The following PSG6 variants were observed in gnomAD, a reference collection of about 807,000 sequenced individuals.
The protein encoded by PSG6 is pregnancy specific beta-1-glycoprotein 6.
PSG6 carries 51 observed loss-of-function variants against 43.3 expected under a neutral mutation model. The ratio of observed to expected loss-of-function variants is 1.18; its 90% CI spans 0.94 to 1.49. The LOEUF (loss-of-function observed/expected upper bound fraction) is 1.49. PSG6 is among the 40% of genes most tolerant of loss of function. The pLI, the probability that PSG6 is intolerant of heterozygous loss-of-function variation, is 0.00. For missense variants in PSG6, 770 were observed against 522.2 expected (o/e 1.47, Z -4.62); for synonymous variants, 292 against 197.6 (o/e 1.48, Z -4.01).
rs544482559 is a variant in PSG6 at position 42,903,476 on chromosome 19, C to A, written c.1241-1030G>T. The A allele has an allele frequency of 4.5e-5, 34 of 751,226 alleles. 2 individuals carry two copies. The highest frequency in any genetic ancestry group is 1.8e-4 in the African/African-American group (10 of 54,364). 46.5% of individuals were successfully genotyped at this position (751,226 alleles called of 1,614,324 possible). A position where few individuals can be genotyped will look rare whatever the true frequency, so the allele number is the denominator to read the frequency against. On this transcript the variant is annotated intron_variant, in intron 5 of 5. Transcript: ENST00000187910. ...ATATAAATAAAATGGAGAATGGAAA[C>A]AGAATAGAGGAAATTACTGAAACCA...
intron 1 of PSG6, 60 bp from the exon 2 acceptor site, chr19:42,916,547 G>T (rs1568448533): frequency 1.9e-6 from 3 of 1,559,654 alleles, no homozygotes; most frequent in East Asian, 2.2e-5. Context: ...TGAAAAGATG[G>T]GGCCCTGTGT....
At position 42,917,880 on chromosome 19, in the gene PSG6, T is replaced by G; in HGVS notation, c.-88A>C. 2 of 1,509,994 alleles carry G rather than the reference T, an allele frequency of 1.3e-6. No homozygotes were observed. Among genetic ancestry groups the G allele is most frequent in the South Asian group, 1.3e-5 (1 of 79,816 alleles). The allele number at this position is 1,509,994 out of a possible 1,614,324, so 93.5% of individuals were successfully genotyped here. A position where few individuals can be genotyped will look rare whatever the true frequency, so the allele number is the denominator to read the frequency against. On this transcript the variant is annotated 5_prime_UTR_variant, in exon 1 of 6. Transcript: ENST00000187910. ...GCAGGGCTGTCAGGTGTGCTGTCCT[T>G]CCTCCTTCTGTGCTGAGCCTCTTCC...
intron 3 of PSG6, among the ~76,000 whole-genome samples, chr19:42,909,296 T>G (rs917622716): frequency 1.3e-4 from 19 of 151,538 alleles, no homozygotes; most frequent in Admixed American, 9.9e-4. Flanking sequence ...TTTTGAAGGC[T>G]TTGGGATGTG....
At chr19:42,911,946 T>C (rs777530689) in intron 2 of PSG6, among the ~76,000 whole-genome samples, 2 of 151,602 alleles carry the variant, frequency 1.3e-5, no homozygotes, top group African/African-American at 4.8e-5. Context: ...GTTTCTGTTA[T>C]GCAGGATGAG....
intron 2 of PSG6, among the ~76,000 whole-genome samples, chr19:42,914,951 G>A (rs1480194624): frequency 2.0e-5 from 3 of 151,622 alleles, no homozygotes; most frequent in Non-Finnish European, 4.4e-5. Flanking sequence ...CACTGACTCT[G>A]GCGGTTGAAG....
chr19:42,902,520 A>C, intron 5 of PSG6, 74 bp from the exon 6 acceptor site: 2 of 1,582,238 alleles, frequency 1.3e-6, no homozygotes, highest in African/African-American at 1.4e-5. Context: ...TCTTTCCCAC[A>C]GGCTCCCAGC....
chr19:42,909,249 C>T lies in PSG6; in HGVS notation c.706+1331G>A, dbSNP rs1329230342. 5.9e-5 allele frequency among the ~76,000 whole-genome samples: 9 copies of T among 151,290 alleles called. No homozygotes were observed. The East Asian group carries it at 1.6e-3, about 26-fold the overall frequency. ...TGTTTCTAGCTTGGTGATTAGTTTT[C>T]GGTGAATTCCATAGTGGCCATGCTG... On this transcript the variant is annotated intron_variant, in intron 3 of 5. Transcript: ENST00000187910.
At position 42,904,332 on chromosome 19, in the gene PSG6, C is replaced by A. The variant is rs545476640; in HGVS notation, c.1241-1886G>T. 5.9e-5 allele frequency among the ~76,000 whole-genome samples: 9 copies of A among 151,540 alleles called. No individual in the cohort carries two copies. In the East Asian group the frequency reaches 1.7e-3, roughly 29 times the overall value. On this transcript the variant is annotated intron_variant, in intron 5 of 5. Transcript: ENST00000187910. ...AGGGAAGAATTTTTAAAAAGACATT[C>A]AAATTGGAAGGAAGGAGTAAAATTA...
chr19:42,910,491 T>G (rs1972198107), intron 3 of PSG6, 89 bp downstream of exon 3: 4 of 1,611,962 alleles, frequency 2.5e-6, no homozygotes, highest in East Asian at 4.5e-5. Context: ...GTCTCTGTAC[T>G]TGGACCTGAG....
intron 5 of PSG6, chr19:42,906,617 A>G: frequency 7.3e-7 from 1 of 1,365,018 alleles, no homozygotes; most frequent in Non-Finnish European, 9.7e-7. Context: ...GCGAGAAGCA[A>G]CTTGATCTTG....
rs1292528811 is a variant in PSG6 at position 42,904,239 on chromosome 19, A to G, written c.1241-1793T>C. Among the ~76,000 whole-genome samples the G allele has an allele frequency of 2.0e-5, 3 of 151,736 alleles. No homozygotes were observed. The East Asian group carries it at 5.8e-4, about 29-fold the overall frequency. On this transcript the variant is annotated intron_variant, in intron 5 of 5. Transcript: ENST00000187910. ...GAAAACTTTCCCTGTATGAGCAGGA[A>G]AAGACAAGGATGCCTGCTATTGACA... is the stretch of plus-strand genomic sequence containing the variant.
intron 2 of PSG6, among the ~76,000 whole-genome samples, chr19:42,914,575 G>C (rs1056752350): frequency 2.7e-5 from 4 of 150,026 alleles, no homozygotes; most frequent in African/African-American, 7.4e-5. Flanking sequence ...AAGAACTTCA[G>C]AGTTGCATGA....
In PSG6 at chr19:42,915,972, C is replaced by T. The variant is rs1329493799; in HGVS notation, c.427+153G>A. 5.3e-6 allele frequency: 7 copies of T among 1,312,516 alleles called. No individual in the cohort carries two copies. The South Asian group carries it at 8.7e-5, about 16-fold the overall frequency. The allele number at this position is 1,312,516 out of a possible 1,614,324, so 81.3% of individuals were successfully genotyped here. A position where few individuals can be genotyped will look rare whatever the true frequency, so the allele number is the denominator to read the frequency against. ...ATTCTGATCTGTTGAAATGTGTCTC[C>T]TCTGTGTGTGTCCTGCACTAAATGC... On this transcript the variant is annotated intron_variant, in intron 2 of 5. Coordinates refer to ENST00000187910, the MANE Select transcript of PSG6 (RefSeq NM_001031850.4).
chr19:42,905,426 G>A lies in PSG6; in HGVS notation c.1240+1496C>T, dbSNP rs1042509441. Among the ~76,000 whole-genome samples, 37 of 151,796 alleles carry A rather than the reference G, an allele frequency of 2.4e-4. 1 individual carries two copies. The highest frequency in any genetic ancestry group is 8.7e-4 in the African/African-American group (36 of 41,408). ...CAATGACAGCAACACTAAACAACAG[G>A]TGTTTCCAAGTAGATGGAAAAATTG... is the stretch of plus-strand genomic sequence containing the variant. On this transcript the variant is annotated intron_variant, in intron 5 of 5. Transcript: ENST00000187910.
Position 42,914,616 on chromosome 19 carries a change from G to A in PSG6, c.427+1509C>T, listed in dbSNP as rs543285070. Among the ~76,000 whole-genome samples the A allele has an allele frequency of 9.9e-5, 15 of 151,440 alleles. 1 individual carries two copies. In the South Asian group the frequency reaches 1.1e-3, roughly 11 times the overall value. Reference sequence around the variant, plus strand: ...GGTGGCTTTAGGGTCAAGAGGTAGTGGGGGGATGAAACATGGGTGTCAGCC... The same window carrying A: ...GGTGGCTTTAGGGTCAAGAGGTAGTAGGGGGATGAAACATGGGTGTCAGCC... On this transcript the variant is annotated intron_variant, in intron 2 of 5. Coordinates refer to ENST00000187910, the MANE Select transcript of PSG6 (RefSeq NM_001031850.4).
At chr19:42,902,537 G>T (rs375455839) in intron 5 of PSG6, 91 bp from the exon 6 acceptor site, 9 of 1,540,204 alleles carry the variant, frequency 5.8e-6, no homozygotes, top group East Asian at 4.6e-5. Flanking sequence ...CAGCAAGGGT[G>T]TGAAAGCAAG....
At chr19:42,910,109 C>T (rs1294289452) in intron 3 of PSG6, 3 of 221,290 alleles carry the variant, frequency 1.4e-5, no homozygotes, top group South Asian at 1.6e-4. Context: ...GGCAGGAGAG[C>T]TTGGGGACTT....
chr19:42,906,534 C>T, intron 5 of PSG6: 2 of 1,279,274 alleles, frequency 1.6e-6, no homozygotes, highest in South Asian at 2.3e-5. Context: ...TTCAAAGCCT[C>T]AGATGTTCCT....
At chr19:42,907,219 G>A in intron 4 of PSG6, 43 bp from the exon 5 acceptor site, 1 of 1,594,736 alleles carries the variant, frequency 6.3e-7, no homozygotes, top group East Asian at 2.2e-5. Context: ...TCATCCAAGG[G>A]AAGGGGATGC....
Sources: gnomAD v4.1 joint callset for allele counts (sites outside exome capture counted in the v4.1 genomes callset) on GRCh38, gnomAD v4.1.1 for gene constraint, MANE v1.5 for transcripts, NCBI Gene and HGNC (gene_info 2026-07-23, HGNC 2026-07-21) for gene names.